Variants in CTNNA2 observed in about 807,000 individuals in gnomAD.
CTNNA2 encodes the protein catenin alpha 2.
Under a neutral mutation model 101.0 loss-of-function variants are expected in CTNNA2, and 42 were observed. The ratio of observed to expected loss-of-function variants is 0.42; its 90% CI spans 0.32 to 0.54. The LOEUF (loss-of-function observed/expected upper bound fraction) is 0.54, where lower values mean the gene tolerates loss of function less well. Ranked by LOEUF, CTNNA2 falls within the 20% of genes least tolerant of loss-of-function variation. CTNNA2 has a pLI of 0.14. For synonymous variants in CTNNA2, 450 were observed against 456.4 expected, an observed-to-expected ratio of 0.99 and a Z score of 0.18; for missense variants, 871 against 1,223.1, an observed-to-expected ratio of 0.71 and a Z score of 4.29.
chr2:79,193,306 A>G (rs1359033081), intron 1 of CTNNA2, among the ~76,000 whole-genome samples: 1 of 152,194 alleles, frequency 6.6e-6, no homozygotes, highest in Admixed American at 6.5e-5. Context: ...CAGACCACCT[A>G]TGTGACTGTG....
At chr2:80,382,720 A>G (rs1360976793) in intron 7 of CTNNA2, among the ~76,000 whole-genome samples, 2 of 152,180 alleles carry the variant, frequency 1.3e-5, no homozygotes, top group Non-Finnish European at 2.9e-5. Context: ...CTCTGCCTGA[A>G]TGTTTTCTGA....
chr2:80,521,471 G>A (rs1689542273), intron 9 of CTNNA2, among the ~76,000 whole-genome samples: 1 of 152,158 alleles, frequency 6.6e-6, no homozygotes. Flanking sequence ...GGTTGCAAAT[G>A]GAATTAAGAT....
At chr2:80,489,232 A>G (rs1686838921) in intron 9 of CTNNA2, among the ~76,000 whole-genome samples, 1 of 152,216 alleles carries the variant, frequency 6.6e-6, no homozygotes, top group Non-Finnish European at 1.5e-5. Flanking sequence ...TCATGTTCAC[A>G]ATGAGGCTTA....
chr2:79,293,276 A>G (rs957255609), intron 2 of CTNNA2: 1 of 152,174 alleles, frequency 6.6e-6, no homozygotes, highest in African/African-American at 2.4e-5. Context: ...TGTTTTCATG[A>G]GGTATGTGGG....
intron 2 of CTNNA2, among the ~76,000 whole-genome samples, chr2:79,656,573 C>T (rs368956489): frequency 6.6e-6 from 1 of 151,940 alleles, no homozygotes; most frequent in Non-Finnish European, 1.5e-5. Context: ...CCCACAAAAC[C>T]TTACCTTATA....
At chr2:80,457,306 TG>T (rs1038060100) in intron 9 of CTNNA2, among the ~76,000 whole-genome samples, 8 of 152,102 alleles carry the variant, frequency 5.3e-5, no homozygotes, top group Non-Finnish European at 1.2e-4. Flanking sequence ...TCAGGTTTTC[TG>T]CCCGCCTTGG....
At chr2:79,474,805 A>G (rs1325921479) in intron 4 of CTNNA2, among the ~76,000 whole-genome samples, 1 of 152,082 alleles carries the variant, frequency 6.6e-6, no homozygotes, top group Non-Finnish European at 1.5e-5. Flanking sequence ...GCTGATCTAG[A>G]TATTCATTTT....
At chr2:80,386,507 G>C (rs571860661) in intron 7 of CTNNA2, among the ~76,000 whole-genome samples, 3 of 152,230 alleles carry the variant, frequency 2.0e-5, no homozygotes. Context: ...CTATATCCAG[G>C]GTTTCAGGGT....
rs143308407 is a variant in CTNNA2 at position 80,424,243 on chromosome 2, C to A, written c.1290+4642C>A. ...TGCTGGGATTACAGGCGTGAGCCAC[C>A]GTGCCCGGCCCAGCAAACATTCAAA... On this transcript the variant is annotated intron_variant, in intron 9 of 18. Transcript: ENST00000402739. 1.8e-4 allele frequency among the ~76,000 whole-genome samples: 27 copies of A among 152,258 alleles called. No homozygotes were observed. In the Middle Eastern group the frequency reaches 0.017, roughly 96 times the overall value.
At chr2:79,661,290 A>G (rs1265168078) in intron 2 of CTNNA2, among the ~76,000 whole-genome samples, 1 of 152,218 alleles carries the variant, frequency 6.6e-6, no homozygotes, top group Admixed American at 6.5e-5. Flanking sequence ...TAGTTTTAGA[A>G]TACAAGCTAA....
intron 9 of CTNNA2, among the ~76,000 whole-genome samples, chr2:80,535,014 C>A: frequency 6.6e-6 from 1 of 152,102 alleles, no homozygotes; most frequent in East Asian, 1.9e-4. Flanking sequence ...TATATAAAAT[C>A]TATAAAATAT....
At chr2:80,645,456 G>GATAAAGTAAACCATCAAGACAGTCTTT (rs1673973320) in intron 18 of CTNNA2, among the ~76,000 whole-genome samples, 3 of 152,124 alleles carry the variant, frequency 2.0e-5, no homozygotes, top group Non-Finnish European at 4.4e-5. Flanking sequence ...GAAATCACTG[G>GATAAAGTAAACCATCAAGACAGTCTTT]ATAAAGTAAA....
At chr2:79,189,738 T>C (rs999514811) in intron 1 of CTNNA2, among the ~76,000 whole-genome samples, 4 of 152,158 alleles carry the variant, frequency 2.6e-5, no homozygotes, top group Non-Finnish European at 5.9e-5. Context: ...CTCCCACGGA[T>C]ATTGGGATAT....
intron 9 of CTNNA2, among the ~76,000 whole-genome samples, chr2:80,429,894 C>G (rs1018904833): frequency 6.6e-5 from 10 of 152,250 alleles, no homozygotes; most frequent in Non-Finnish European, 1.5e-5. Context: ...ATTTTTATGT[C>G]AAAGGTCTGT....
At chr2:79,479,568 T>C (rs1479969757) in intron 4 of CTNNA2, among the ~76,000 whole-genome samples, 3 of 152,210 alleles carry the variant, frequency 2.0e-5, no homozygotes, top group Admixed American at 6.5e-5. Flanking sequence ...TGCTGGGTTA[T>C]CATCAAGCAT....
intron 7 of CTNNA2, among the ~76,000 whole-genome samples, chr2:80,309,242 A>G (rs898475973): frequency 3.3e-5 from 5 of 152,120 alleles, no homozygotes; most frequent in African/African-American, 1.2e-4. Flanking sequence ...ATGCTTACCT[A>G]TGTTTTTATA....
intron 7 of CTNNA2, among the ~76,000 whole-genome samples, chr2:80,243,912 A>G (rs1671131547): frequency 6.6e-6 from 1 of 152,158 alleles, no homozygotes; most frequent in Admixed American, 6.5e-5. Context: ...GAGAGTCCCA[A>G]TTCCTCCACA....
intron 2 of CTNNA2, among the ~76,000 whole-genome samples, chr2:79,728,228 C>G (rs1686981695): frequency 6.6e-6 from 1 of 152,100 alleles, no homozygotes; most frequent in Non-Finnish European, 1.5e-5. Flanking sequence ...TCCACATCCT[C>G]TCCAGCACCT....
intron 7 of CTNNA2, among the ~76,000 whole-genome samples, chr2:80,030,212 T>C (rs1285857064): frequency 6.6e-6 from 1 of 151,430 alleles, no homozygotes; most frequent in African/African-American, 2.4e-5. Flanking sequence ...AGACACATTT[T>C]TGAGATGAGA....
Sources: gnomAD v4.1 joint callset for allele counts (sites outside exome capture counted in the v4.1 genomes callset) on GRCh38, gnomAD v4.1.1 for gene constraint, MANE v1.5 for transcripts, NCBI Gene and HGNC (gene_info 2026-07-23, HGNC 2026-07-21) for gene names.